SLC4A7: variants seen among roughly 807,000 people sequenced by gnomAD.
The protein encoded by SLC4A7 is sodium bicarbonate cotransporter 3.
Under a neutral mutation model 137.6 loss-of-function variants are expected in SLC4A7, and 51 were observed. The observed-to-expected ratio is 0.37, with a 90% CI of 0.30 to 0.47. The LOEUF is 0.47. Ranked by LOEUF, SLC4A7 falls within the 20% of genes least tolerant of loss-of-function variation. SLC4A7 has a pLI of 1.00. For synonymous variants in SLC4A7, 542 were observed against 518.6 expected, an observed-to-expected ratio of 1.05 and a Z score of -0.61; for missense variants, 1,247 against 1,525.4, an observed-to-expected ratio of 0.82 and a Z score of 3.04.
chr3:27,477,763 C>T (rs2059525373), intron 1 of SLC4A7, among the ~76,000 whole-genome samples: 1 of 151,932 alleles, frequency 6.6e-6, no homozygotes. Flanking sequence ...TACAGGCGCA[C>T]AGCACCACGC....
intron 1 of SLC4A7, among the ~76,000 whole-genome samples, chr3:27,454,791 A>G (rs1354313846): frequency 5.9e-5 from 9 of 152,188 alleles, no homozygotes; most frequent in Non-Finnish European, 1.3e-4. Context: ...TCCCATTCCA[A>G]ACTTTCATTT....
In SLC4A7 at chr3:27,419,528, G is replaced by T. The variant is rs1371466762; in HGVS notation, c.1513-896C>A. ...TTTTTGTATTTTTAGTAGAGATGGG[G>T]TTTCACCACGTAGGCCAGGCTGGTC... On this transcript the variant is annotated intron_variant, in intron 10 of 25. Transcript: ENST00000454389. Among the ~76,000 whole-genome samples, 6 of 150,006 alleles carry T rather than the reference G, an allele frequency of 4.0e-5. 1 individual carries two copies. Among genetic ancestry groups the T allele is most frequent in the Admixed American group, 4.0e-4 (6 of 15,088 alleles).
chr3:27,395,889 AT>A (rs1383185360), intron 18 of SLC4A7, among the ~76,000 whole-genome samples: 1 of 152,174 alleles, frequency 6.6e-6, no homozygotes, highest in Admixed American at 6.5e-5. Flanking sequence ...AGACTTAGTG[AT>A]TTTGACAGGG....
chr3:27,389,007 ATCGC>A (rs1482440174), intron 22 of SLC4A7, among the ~76,000 whole-genome samples: 2 of 152,208 alleles, frequency 1.3e-5, no homozygotes, highest in African/African-American at 2.4e-5. Context: ...ATCTCTGGTT[ATCGC>A]TCTTTTCTCC....
chr3:27,427,384 C>A (rs1039194804), intron 7 of SLC4A7, among the ~76,000 whole-genome samples: 1 of 152,004 alleles, frequency 6.6e-6, no homozygotes, highest in African/African-American at 2.4e-5. Flanking sequence ...AAGTGATCCT[C>A]CCCTCTTGAC....
Position 27,418,732 on chromosome 3 carries a change from A to T in SLC4A7, c.1513-100T>A. The T allele has an allele frequency of 5.7e-6, 4 of 705,878 alleles. No individual in the cohort carries two copies. The Middle Eastern group carries it at 1.2e-3, about 214-fold the overall frequency. 43.7% of individuals were successfully genotyped at this position (705,878 alleles called of 1,614,324 possible). ...TATCATAAATAGCTTCACAATAAAGATAACCCCTAAACTCTTATCTCAGGC... is the reference window on the plus strand; with the variant it reads ...TATCATAAATAGCTTCACAATAAAGTTAACCCCTAAACTCTTATCTCAGGC... On this transcript the variant is annotated intron_variant, in intron 10 of 25. Transcript: ENST00000454389.
chr3:27,395,810 T>C (rs558046021), intron 18 of SLC4A7, among the ~76,000 whole-genome samples: 1 of 152,348 alleles, frequency 6.6e-6, no homozygotes, highest in South Asian at 2.1e-4. Flanking sequence ...TGTTCCTGCA[T>C]AATTCATATA....
intron 1 of SLC4A7, among the ~76,000 whole-genome samples, chr3:27,480,787 G>A (rs1008487629): frequency 6.6e-6 from 1 of 152,036 alleles, no homozygotes; most frequent in African/African-American, 2.4e-5. Flanking sequence ...TTATTCTAAT[G>A]ACTATTTTTT....
intron 7 of SLC4A7, among the ~76,000 whole-genome samples, chr3:27,430,232 C>T (rs568938559): frequency 2.6e-5 from 4 of 151,850 alleles, no homozygotes; most frequent in South Asian, 2.1e-4. Context: ...GACTCTATCC[C>T]TATTTAAGGC....
chr3:27,390,945 T>G (rs1379445921), intron 21 of SLC4A7, among the ~76,000 whole-genome samples: 1 of 152,030 alleles, frequency 6.6e-6, no homozygotes, highest in Non-Finnish European at 1.5e-5. Context: ...TACCTCAGCC[T>G]CCTGAGTAGC....
At chr3:27,393,324 T>C (rs951694221) in intron 20 of SLC4A7, among the ~76,000 whole-genome samples, 5 of 152,238 alleles carry the variant, frequency 3.3e-5, no homozygotes, top group South Asian at 4.1e-4. Context: ...CATTAGAAAA[T>C]TGGTCTCCAG....
chr3:27,451,981 A>T (rs1233192619), intron 2 of SLC4A7, among the ~76,000 whole-genome samples: 1 of 152,156 alleles, frequency 6.6e-6, no homozygotes, highest in African/African-American at 2.4e-5. Flanking sequence ...ATGGGCAAAT[A>T]ACTCAGTTGC....
At chr3:27,385,735 T>C (rs1252614624) in intron 23 of SLC4A7, among the ~76,000 whole-genome samples, 157 bp downstream of exon 23, 2 of 152,142 alleles carry the variant, frequency 1.3e-5, no homozygotes, top group Non-Finnish European at 2.9e-5. Flanking sequence ...TCCTCATTTA[T>C]AAAATGGAGA....
intron 7 of SLC4A7, among the ~76,000 whole-genome samples, chr3:27,428,594 G>T (rs955130092): frequency 6.6e-6 from 1 of 152,142 alleles, no homozygotes; most frequent in Middle Eastern, 3.2e-3. Context: ...ATAATGATAG[G>T]AACACAAGGA....
At position 27,404,896 on chromosome 3, in the gene SLC4A7, G is replaced by C; in HGVS notation, c.2009C>G (p.Pro670Arg). 1 of 1,609,986 alleles carries C rather than the reference G, an allele frequency of 6.2e-7. No individual in the cohort carries two copies. Among genetic ancestry groups the C allele is most frequent in the Non-Finnish European group, 8.5e-7 (1 of 1,178,188 alleles). The change falls in exon 14 of 26, where the codon CCT becomes CGT. Residue 670 changes from proline (P) to arginine (R), a missense_variant. Physicochemically the swap from Pro to Arg is moderately radical, Grantham distance 103. Around this residue, in one of 6 missense-constraint regions of SLC4A7, gnomAD observed 499 missense variants for 664.2 expected, o/e 0.75. Coordinates refer to ENST00000454389, the MANE Select transcript of SLC4A7 (RefSeq NM_001321103.2). The stretch of plus-strand genomic sequence containing the variant: ...ACCTGTGCTCCCCAATATTGTTAGA[G>C]GTTGCCCAGCAAACAATGAATAGGC... ...GIAYSLFAGQ[P>R]LTILGSTGPV... is the part of the protein sequence containing the mutation.
At chr3:27,389,187 T>C (rs1158033342) in intron 22 of SLC4A7, among the ~76,000 whole-genome samples, 1 of 152,186 alleles carries the variant, frequency 6.6e-6, no homozygotes, top group Non-Finnish European at 1.5e-5. Context: ...TAACTTTAGT[T>C]GTGCTCAAAG....
At chr3:27,447,178 G>A (rs540646418) in intron 3 of SLC4A7, among the ~76,000 whole-genome samples, 38 of 151,826 alleles carry the variant, frequency 2.5e-4, no homozygotes, top group Middle Eastern at 6.8e-3. Flanking sequence ...GAGCCACCGC[G>A]CCCAGCTGAG....
intron 10 of SLC4A7, among the ~76,000 whole-genome samples, chr3:27,419,042 G>C (rs1401959666): frequency 6.6e-6 from 1 of 152,028 alleles, no homozygotes; most frequent in Non-Finnish European, 1.5e-5. Context: ...ATATTTACTG[G>C]CTACCTACTA....
rs1000498075 is a variant in SLC4A7 at position 27,473,592 on chromosome 3, C to T, written c.60+10475G>A. ...GTGTGGTGGTGCGTGCCTGTAGTCC[C>T]AGCTACTCGGGAGGCTGAGGTGGGA... On this transcript the variant is annotated intron_variant, in intron 1 of 25. Coordinates refer to ENST00000454389, the MANE Select transcript of SLC4A7 (RefSeq NM_001321103.2). Among the ~76,000 whole-genome samples, 18 of 150,990 alleles carry T rather than the reference C, an allele frequency of 1.2e-4. No individual in the cohort carries two copies. In the East Asian group the frequency reaches 3.5e-3, roughly 30 times the overall value.
Sources: gnomAD v4.1 joint callset for allele counts (sites outside exome capture counted in the v4.1 genomes callset) on GRCh38, gnomAD v4.1.1 for gene constraint, gnomAD v4.1.1 regional missense constraint, MANE v1.5 for transcripts, NCBI Gene and HGNC (gene_info 2026-07-23, HGNC 2026-07-21) for gene names.